UBR2: variants seen among roughly 807,000 people sequenced by gnomAD.
UBR2 encodes ubiquitin protein ligase E3 component n-recognin 2.
A neutral mutation model predicts 247.9 loss-of-function variants in UBR2; 92 were observed. The observed-to-expected ratio is 0.37, with a 90% confidence interval of 0.31 to 0.44. The LOEUF is 0.44. Ranked by LOEUF, UBR2 falls within the 20% of genes least tolerant of loss-of-function variation. The pLI is 1.00. For missense variants in UBR2, 1,613 were observed against 2,112.6 expected (o/e 0.76, Z 4.64); for synonymous variants, 672 against 693.5 (o/e 0.97, Z 0.49).
At chr6:42,617,165 GC>G (rs768523923) in intron 10 of UBR2, 30 of 1,350,760 alleles carry the variant, frequency 2.2e-5, no homozygotes, top group Admixed American at 3.4e-5. Flanking sequence ...ACTTCCTCCA[GC>G]ACTGACTTTT....
intron 13 of UBR2, among the ~76,000 whole-genome samples, chr6:42,633,237 C>T (rs1339910769): frequency 6.6e-6 from 1 of 151,960 alleles, no homozygotes; most frequent in Admixed American, 6.6e-5. Flanking sequence ...CTTTTCATTT[C>T]GTGCACATTT....
intron 19 of UBR2, 21 bp from the exon 20 acceptor site, chr6:42,644,452 A>T (rs776268575): frequency 6.2e-7 from 1 of 1,609,834 alleles, no homozygotes; most frequent in Non-Finnish European, 8.5e-7. Context: ...TCTGAACTTT[A>T]TCTTCCCTCA....
intron 38 of UBR2, among the ~76,000 whole-genome samples, chr6:42,675,683 GGCGCGGTGGCTCA>G (rs1284446924): frequency 6.6e-6 from 1 of 152,194 alleles, no homozygotes; most frequent in East Asian, 1.9e-4. Flanking sequence ...AATGTGACCA[GGCGCGGTGGCTCA>G]CGCCTGTAAT....
chr6:42,692,583 A>G lies in UBR2; in HGVS notation c.*1410A>G, dbSNP rs1457242621. On this transcript the variant is annotated 3_prime_UTR_variant, in exon 47 of 47. Coordinates refer to ENST00000372901, the MANE Select transcript of UBR2 (RefSeq NM_001363705.2). ...GGTGGGGCTAAGGAACAGATGAGTA[A>G]TAAGAGGCTCTTGGATTTTTTTAAC... The G allele has an allele frequency of 6.6e-6, 1 of 152,216 alleles. No individual in the cohort carries two copies. The highest frequency in any genetic ancestry group is 2.4e-5 in the African/African-American group (1 of 41,446). The allele number at this position is 152,216 out of a possible 1,614,324, so 9.4% of individuals were successfully genotyped here.
At chr6:42,655,056 G>A (rs1797357078) in intron 25 of UBR2, among the ~76,000 whole-genome samples, 1 of 152,110 alleles carries the variant, frequency 6.6e-6, no homozygotes, top group East Asian at 1.9e-4. Flanking sequence ...GGTCACAGCT[G>A]GTGTAATTTT....
intron 2 of UBR2, among the ~76,000 whole-genome samples, chr6:42,587,405 T>G (rs1162117077): frequency 1.3e-5 from 2 of 152,156 alleles, no homozygotes; most frequent in Non-Finnish European, 2.9e-5. Flanking sequence ...TTTCCCAGGC[T>G]GGAGTATAGT....
At chr6:42,605,054 C>G (rs1165501960) in intron 5 of UBR2, among the ~76,000 whole-genome samples, 1 of 151,638 alleles carries the variant, frequency 6.6e-6, no homozygotes, top group African/African-American at 2.4e-5. Flanking sequence ...CAAAAAAAAC[C>G]ATTATAAACT....
Position 42,688,219 on chromosome 6 carries a change from C to T in UBR2, c.4857C>T (p.Cys1619=). The T allele has an allele frequency of 1.2e-6, 2 of 1,614,084 alleles. No individual in the cohort carries two copies. Among genetic ancestry groups the T allele is most frequent in the Non-Finnish European group, 1.7e-6 (2 of 1,180,022 alleles). ...GTGGGTTTTTTATCCCTTGGAGGTG[C>T]CCGAAATCAGGTGGTGATAAGAGCA... ...SLINQASNFS[C]PKSGGDKSRA... is the part of the protein sequence containing the mutation. Residue 1619 remains cysteine (C), a synonymous_variant, in exon 45 of 47, where the codon TGC becomes TGT. Transcript: ENST00000372901.
chr6:42,668,356 AC>A (rs1798243942), intron 34 of UBR2, among the ~76,000 whole-genome samples: 1 of 152,116 alleles, frequency 6.6e-6, no homozygotes, highest in African/African-American at 2.4e-5. Context: ...GGTAGAAGTA[AC>A]TTTTTATCTA....
intron 2 of UBR2, among the ~76,000 whole-genome samples, chr6:42,586,860 C>T (rs1303313628): frequency 4.8e-5 from 6 of 125,970 alleles, no homozygotes; most frequent in African/African-American, 1.3e-4. Flanking sequence ...CTCACTCTGT[C>T]GCTGAGGCTG....
chr6:42,659,538 CACACACACACACACACACACACACT>C lies in UBR2; in HGVS notation c.3243-102_3243-78del, dbSNP rs1404347916. On this transcript the variant is annotated intron_variant, in intron 29 of 46. Coordinates refer to ENST00000372901, the MANE Select transcript of UBR2 (RefSeq NM_001363705.2). The surrounding 1 kb of genome is among the most constrained non-coding windows in gnomAD (Gnocchi z 4.3). ...ATATATATACACACACACACACACA[CACACACACACACACACACACACACT>C]ACACACACACACACATACCTGTAGT... 3.6e-5 allele frequency: 24 copies of C among 666,242 alleles called. No homozygotes were observed. The highest frequency in any genetic ancestry group is 5.8e-5 in the African/African-American group (3 of 52,146). The allele number at this position is 666,242 out of a possible 1,614,324, so 41.3% of individuals were successfully genotyped here.
At chr6:42,638,543 A>G (rs1796245871) in intron 15 of UBR2, among the ~76,000 whole-genome samples, 1 of 152,196 alleles carries the variant, frequency 6.6e-6, no homozygotes, top group Admixed American at 6.5e-5. Flanking sequence ...TGAAATCATG[A>G]TCGTAAGAAG....
chr6:42,661,375 C>A (rs1040872435), intron 30 of UBR2, among the ~76,000 whole-genome samples: 3 of 152,006 alleles, frequency 2.0e-5, no homozygotes, highest in Admixed American at 2.0e-4. Flanking sequence ...CTTATTACTT[C>A]TGAAGAAAAA....
chr6:42,613,287 G>C (rs1044351830), intron 8 of UBR2, among the ~76,000 whole-genome samples: 5 of 152,358 alleles, frequency 3.3e-5, no homozygotes, highest in African/African-American at 1.2e-4. Flanking sequence ...GTGACATTCA[G>C]ATGTTTACTG....
Position 42,674,112 on chromosome 6 carries a change from C to A in UBR2, c.4184-14C>A. ...ATATGAAATATGCTAATGTATTTCT[C>A]TTTAAATCTGTAGCACTGGTGCCTA... On this transcript the variant is annotated splice_polypyrimidine_tract_variant and intron_variant, in intron 37 of 46. Transcript: ENST00000372901. 1 of 1,610,414 alleles carries A rather than the reference C, an allele frequency of 6.2e-7. No individual in the cohort carries two copies. The highest frequency in any genetic ancestry group is 1.1e-5 in the South Asian group (1 of 90,308).
At chr6:42,637,825 C>G (rs374871046) in intron 15 of UBR2, among the ~76,000 whole-genome samples, 41 of 152,318 alleles carry the variant, frequency 2.7e-4, no homozygotes, top group African/African-American at 9.9e-4. Flanking sequence ...TGCACTTATC[C>G]ATCTCTGCAG....
intron 10 of UBR2, 178 bp from the exon 11 acceptor site, chr6:42,617,231 G>A (rs754301517): frequency 6.2e-7 from 1 of 1,613,592 alleles, no homozygotes; most frequent in Non-Finnish European, 8.5e-7. Context: ...TCTCCCCCTT[G>A]TTGTTTAGAA....
Position 42,658,114 on chromosome 6 carries a change from T to A in UBR2, c.2963T>A (p.Met988Lys), listed in dbSNP as rs760176522. 6.2e-7 allele frequency: 1 copy of A among 1,614,068 alleles called. No individual in the cohort carries two copies. The highest frequency in any genetic ancestry group is 8.5e-7 in the Non-Finnish European group (1 of 1,179,950). Residue 988 changes from methionine (M) to lysine (K), a missense_variant, in exon 27 of 47, where the codon ATG becomes AAG. Transcript: ENST00000372901. ...CCCTACCTAGAAGTCCACAAAGACA[T>A]GATTCGGTGGATATTGAAGGTAAAA... is the stretch of plus-strand genomic sequence containing the variant. ...NAPYLEVHKDMIRWILKTFNA... is the reference protein window; with the variant it reads ...NAPYLEVHKDKIRWILKTFNA...
intron 2 of UBR2, among the ~76,000 whole-genome samples, chr6:42,589,176 GC>G (rs904404035): frequency 6.6e-6 from 1 of 151,990 alleles, no homozygotes; most frequent in Non-Finnish European, 1.5e-5. Flanking sequence ...TTAGTTTGTT[GC>G]CCCAACTGGT....
Sources: allele counts gnomAD v4.1 joint callset (sites outside exome capture counted in the v4.1 genomes callset), GRCh38; gene constraint gnomAD v4.1.1; non-coding constraint Gnocchi (gnomAD v3.1); transcripts MANE v1.5; gene names NCBI Gene and HGNC (gene_info 2026-07-23, HGNC 2026-07-21).